The following ULK2 variants were observed in gnomAD, a reference collection of about 807,000 sequenced individuals.
ULK2 encodes the protein serine/threonine-protein kinase ULK2.
Under a neutral mutation model 127.5 loss-of-function variants are expected in ULK2, and 76 were observed. The observed-to-expected ratio is 0.60, with a 90% CI of 0.50 to 0.72. The LOEUF (loss-of-function observed/expected upper bound fraction) is 0.72. Ranked by LOEUF, ULK2 falls within the 30% of genes least tolerant of loss-of-function variation. ULK2 has a pLI of 0.00. For missense variants in ULK2, 1,144 were observed against 1,295.9 expected (o/e 0.88, Z 1.80); for synonymous variants, 452 against 461.9 (o/e 0.98, Z 0.28).
intron 2 of ULK2, 117 bp from the exon 3 acceptor site, chr17:19,864,961 G>A (rs566020279): frequency 9.5e-5 from 35 of 366,690 alleles, no homozygotes; most frequent in Non-Finnish European, 1.5e-4. Flanking sequence ...CTTATATTAA[G>A]ACTATAAAAA....
At chr17:19,843,093 T>C in intron 8 of ULK2, 28 bp downstream of exon 8, 1 of 1,532,110 alleles carries the variant, frequency 6.5e-7, no homozygotes, top group South Asian at 1.1e-5. Context: ...ATCCCAAAAC[T>C]GAGGACATAA....
chr17:19,852,465 G>A (rs1415441023), intron 3 of ULK2, among the ~76,000 whole-genome samples: 1 of 140,126 alleles, frequency 7.1e-6, no homozygotes, highest in Non-Finnish European at 1.5e-5. Context: ...AGCTTGCAGT[G>A]AGCCGAGATC....
rs1406792107 is a variant in ULK2, at chr17:19,781,880, G to A, written c.2639+9C>T. On this transcript the variant is annotated intron_variant, in intron 23 of 26. Transcript: ENST00000395544. ...AAAGTCTGGAAATGAATGACAAGGG[G>A]GCACCCACCCCCAGTCTTTGCTCAG... 1.2e-6 allele frequency: 2 copies of A among 1,610,394 alleles called. No individual in the cohort carries two copies. The highest frequency in any genetic ancestry group is 2.7e-5 in the African/African-American group (2 of 74,898).
chr17:19,791,543 G>C (rs1363322660), intron 20 of ULK2, among the ~76,000 whole-genome samples: 2 of 152,106 alleles, frequency 1.3e-5, no homozygotes, highest in African/African-American at 4.8e-5. Flanking sequence ...AAATTAGCTG[G>C]GTATGGTGGC....
At chr17:19,857,167 G>GT (rs1567729012) in intron 3 of ULK2, among the ~76,000 whole-genome samples, 1 of 151,402 alleles carries the variant, frequency 6.6e-6, no homozygotes, top group Non-Finnish European at 1.5e-5. Context: ...TTAGCCAGGT[G>GT]TGGTGGCGGG....
intron 13 of ULK2, among the ~76,000 whole-genome samples, chr17:19,813,205 A>T (rs1476113561): frequency 6.6e-6 from 1 of 152,164 alleles, no homozygotes; most frequent in African/African-American, 2.4e-5. Context: ...TGCCCCCGCC[A>T]TATCATTCAT....
chr17:19,776,776 G>C (rs205099), intron 26 of ULK2, among the ~76,000 whole-genome samples: 146,307 of 152,306 alleles, frequency 0.96, 70,470 homozygotes, highest in African/African-American at 0.99. Context: ...TCAATCTCCA[G>C]TCTGCTATCT....
In ULK2 at chr17:19,843,022, A is replaced by G. The variant is rs994665532; in HGVS notation, c.645+99T>C. On this transcript the variant is annotated intron_variant, in intron 8 of 26. Coordinates refer to ENST00000395544, the MANE Select transcript of ULK2 (RefSeq NM_014683.4). Reference sequence around the variant, plus strand: ...ATCAAAGTAACTCACAGAGGAGCCAAAAACACTGCTTTCAAAGTATTCTTC... The same window carrying G: ...ATCAAAGTAACTCACAGAGGAGCCAGAAACACTGCTTTCAAAGTATTCTTC... The G allele has an allele frequency of 2.8e-6, 3 of 1,065,842 alleles. No homozygotes were observed. In the African/African-American group the frequency reaches 4.7e-5, roughly 17 times the overall value. 66.0% of individuals were successfully genotyped at this position (1,065,842 alleles called of 1,614,324 possible).
At position 19,777,677 on chromosome 17, in the gene ULK2, C is replaced by T. The variant is rs1281428001; in HGVS notation, c.2956G>A (p.Glu986Lys). 4 of 1,613,882 alleles carry T rather than the reference C, an allele frequency of 2.5e-6. No homozygotes were observed. Among genetic ancestry groups the T allele is most frequent in the African/African-American group, 1.3e-5 (1 of 74,928 alleles). ...TTATGATAGCGATAAACAATATCTTCGGTCTGCTGAAACATCTCATCCAGG... is the reference window on the plus strand; with the variant it reads ...TTATGATAGCGATAAACAATATCTTTGGTCTGCTGAAACATCTCATCCAGG... Reference protein sequence around the residue: ...AALDEMFQQTEDIVYRYHKAA... With the variant: ...AALDEMFQQTKDIVYRYHKAA... The change falls in exon 26 of 27, where the codon GAA becomes AAA. Residue 986 changes from glutamate to lysine, a missense_variant. Physicochemically the swap from Glu to Lys is moderately conservative, Grantham distance 56 (BLOSUM62 1). Around this residue, in one of 2 missense-constraint regions of ULK2, gnomAD observed 913 missense variants for 970.5 expected, o/e 0.94. Transcript: ENST00000395544.
chr17:19,814,061 T>C (rs543583951), intron 13 of ULK2, among the ~76,000 whole-genome samples: 1 of 152,110 alleles, frequency 6.6e-6, no homozygotes, highest in South Asian at 2.1e-4. Context: ...CTGACACAAA[T>C]TTAAAAATTC....
chr17:19,805,240 A>T (rs2087490533), intron 14 of ULK2, among the ~76,000 whole-genome samples: 1 of 152,254 alleles, frequency 6.6e-6, no homozygotes, highest in Non-Finnish European at 1.5e-5. Context: ...AAAAGTCATG[A>T]ATGCTGTAAG....
At chr17:19,850,656 C>A (rs1351524820) in intron 3 of ULK2, among the ~76,000 whole-genome samples, 1 of 151,994 alleles carries the variant, frequency 6.6e-6, no homozygotes, top group Non-Finnish European at 1.5e-5. Flanking sequence ...GAAACCCCAT[C>A]TCTACTAAAA....
chr17:19,829,826 G>GA (rs1178498243), intron 10 of ULK2, among the ~76,000 whole-genome samples: 2 of 107,382 alleles, frequency 1.9e-5, no homozygotes, highest in Non-Finnish European at 3.6e-5. Flanking sequence ...GTGACAGAGC[G>GA]AGACTCCATT....
chr17:19,860,574 G>A (rs1042285950), intron 3 of ULK2, among the ~76,000 whole-genome samples: 1 of 150,178 alleles, frequency 6.7e-6, no homozygotes, highest in Non-Finnish European at 1.5e-5. Context: ...GCCCAGGCTG[G>A]AGTGCAATGG....
At chr17:19,850,670 C>T (rs1024234359) in intron 3 of ULK2, among the ~76,000 whole-genome samples, 5 of 151,840 alleles carry the variant, frequency 3.3e-5, no homozygotes, top group Non-Finnish European at 7.4e-5. Flanking sequence ...ACTAAAAATA[C>T]AAAAATTAGC....
At chr17:19,803,927 GTCTC>G (rs2087455161) in intron 15 of ULK2, among the ~76,000 whole-genome samples, 1 of 152,170 alleles carries the variant, frequency 6.6e-6, no homozygotes, top group African/African-American at 2.4e-5. Flanking sequence ...TGAGATTTAG[GTCTC>G]TCTGAGGGTA....
At chr17:19,851,923 G>A (rs1384035985) in intron 3 of ULK2, among the ~76,000 whole-genome samples, 1 of 150,602 alleles carries the variant, frequency 6.6e-6, no homozygotes, top group Non-Finnish European at 1.5e-5. Context: ...GCACATGCCT[G>A]TAGTCCCAAC....
chr17:19,838,729 T>C (rs1353603868), intron 9 of ULK2, 146 bp from the exon 10 acceptor site: 2 of 666,980 alleles, frequency 3.0e-6, no homozygotes, highest in South Asian at 2.2e-5. Context: ...GTAAGAGTCA[T>C]CTAAAGAAGG....
At chr17:19,838,748 C>G (rs28422491) in intron 9 of ULK2, among the ~76,000 whole-genome samples, 165 bp from the exon 10 acceptor site, 190 of 152,182 alleles carry the variant, frequency 1.2e-3, no homozygotes, top group African/African-American at 3.8e-3. Flanking sequence ...GGGAAAAAAG[C>G]CGGGTGCTGT....
Sources: gnomAD v4.1 joint callset for allele counts (sites outside exome capture counted in the v4.1 genomes callset) on GRCh38, gnomAD v4.1.1 for gene constraint, gnomAD v4.1.1 regional missense constraint, MANE v1.5 for transcripts, NCBI Gene and HGNC (gene_info 2026-07-23, HGNC 2026-07-21) for gene names.